The following SEMA5A variants were observed in gnomAD, a reference collection of about 807,000 sequenced individuals.
SEMA5A encodes semaphorin-5A.
Under a neutral mutation model 135.5 loss-of-function variants are expected in SEMA5A, and 55 were observed. The ratio of observed to expected loss-of-function variants is 0.41; its 90% CI spans 0.33 to 0.51. The LOEUF is 0.51. Ranked by LOEUF, SEMA5A falls within the 20% of genes least tolerant of loss-of-function variation. The pLI, the probability that SEMA5A is intolerant of heterozygous loss-of-function variation, is 0.37. For missense variants in SEMA5A, 1,290 were observed against 1,419.9 expected (o/e 0.91, Z 1.47); for synonymous variants, 580 against 546.5 (o/e 1.06, Z -0.85).
chr5:9,120,584 C>T (rs1425602143), intron 14 of SEMA5A, among the ~76,000 whole-genome samples: 1 of 151,944 alleles, frequency 6.6e-6, no homozygotes, highest in Non-Finnish European at 1.5e-5. Context: ...TACCCTGCTA[C>T]CTAAAATCTT....
At chr5:9,197,681 C>T (rs138437296) in intron 9 of SEMA5A, among the ~76,000 whole-genome samples, 275 of 150,362 alleles carry the variant, frequency 1.8e-3, no homozygotes, top group African/African-American at 6.4e-3. Context: ...CAGTTCCCTT[C>T]CTGACCTGTT....
intron 15 of SEMA5A, among the ~76,000 whole-genome samples, chr5:9,109,450 A>G (rs371018735): frequency 6.6e-6 from 1 of 152,246 alleles, no homozygotes; most frequent in East Asian, 1.9e-4. Flanking sequence ...GCTCATAGAA[A>G]GGAAGAGGTT....
chr5:9,358,270 C>T (rs561145749), intron 3 of SEMA5A, among the ~76,000 whole-genome samples: 50 of 152,298 alleles, frequency 3.3e-4, no homozygotes, highest in Admixed American at 2.8e-3. Context: ...TCCATTTTAC[C>T]TTCAAACCCA....
chr5:9,343,820 A>G (rs1326543250), intron 3 of SEMA5A, among the ~76,000 whole-genome samples: 3 of 152,082 alleles, frequency 2.0e-5, no homozygotes, highest in Non-Finnish European at 2.9e-5. Context: ...CAGGCCTGTT[A>G]CTTCAACAAC....
intron 3 of SEMA5A, among the ~76,000 whole-genome samples, chr5:9,371,101 T>C (rs1291821424): frequency 6.6e-6 from 1 of 152,144 alleles, no homozygotes; most frequent in Non-Finnish European, 1.5e-5. Flanking sequence ...ACAACTTTAC[T>C]TACAAGCAAT....
intron 18 of SEMA5A, among the ~76,000 whole-genome samples, chr5:9,059,867 A>G (rs1056423735): frequency 1.3e-5 from 2 of 152,180 alleles, no homozygotes; most frequent in Admixed American, 1.3e-4. Flanking sequence ...TTTCATATTT[A>G]ATTTTAATGA....
At chr5:9,421,249 A>G (rs1387451925) in intron 2 of SEMA5A, among the ~76,000 whole-genome samples, 1 of 152,218 alleles carries the variant, frequency 6.6e-6, no homozygotes, top group Non-Finnish European at 1.5e-5. Flanking sequence ...TTATAATTTG[A>G]GATTTTCTCA....
rs911943632 is a variant in SEMA5A at position 9,245,267 on chromosome 5, G to A, written c.271-7377C>T. ...TGTTCCCTGCCTATTAGTCACTTAG[G>A]AGCCCTCTCAGTTATCAGATCAAAA... On this transcript the variant is annotated intron_variant, in intron 5 of 22. Coordinates refer to ENST00000382496, the MANE Select transcript of SEMA5A (RefSeq NM_003966.3). Among the ~76,000 whole-genome samples, 30 of 152,134 alleles carry A rather than the reference G, an allele frequency of 2.0e-4. No individual in the cohort carries two copies. In the Middle Eastern group the frequency reaches 0.01, roughly 52 times the overall value.
At chr5:9,479,611 C>T (rs538298627) in intron 1 of SEMA5A, among the ~76,000 whole-genome samples, 7 of 152,184 alleles carry the variant, frequency 4.6e-5, no homozygotes, top group African/African-American at 1.4e-4. Context: ...AATCCAGAAA[C>T]GGAAGTGGTT....
intron 13 of SEMA5A, among the ~76,000 whole-genome samples, chr5:9,135,836 C>T (rs887777590): frequency 6.6e-6 from 1 of 150,502 alleles, no homozygotes; most frequent in African/African-American, 2.4e-5. Context: ...AACAAACAAA[C>T]AAAAAAAAAG....
At chr5:9,522,362 CACCTGAGG>C (rs1736881942) in intron 1 of SEMA5A, among the ~76,000 whole-genome samples, 1 of 152,142 alleles carries the variant, frequency 6.6e-6, no homozygotes, top group Non-Finnish European at 1.5e-5. Flanking sequence ...ATGGGCAGAT[CACCTGAGG>C]TCAGGAGTCC....
At chr5:9,258,672 C>G (rs1236611003) in intron 5 of SEMA5A, among the ~76,000 whole-genome samples, 1 of 152,092 alleles carries the variant, frequency 6.6e-6, no homozygotes, top group Non-Finnish European at 1.5e-5. Context: ...AAATAGCAAC[C>G]TCAAAGGGTC....
chr5:9,207,870 TA>T lies in SEMA5A; in HGVS notation c.647-5631del, dbSNP rs1339809240. 2.2e-4 allele frequency among the ~76,000 whole-genome samples: 9 copies of T among 41,742 alleles called. No homozygotes were observed. In the East Asian group the frequency reaches 3.5e-3, roughly 16 times the overall value. 27.4% of individuals were successfully genotyped at this position (41,742 alleles called of 152,430 possible). ...AGATGATGATAGATAGATAGATAGA[TA>T]GATAGATAGATAGATAGATAGATAG... On this transcript the variant is annotated intron_variant, in intron 8 of 22. Transcript: ENST00000382496.
intron 5 of SEMA5A, among the ~76,000 whole-genome samples, chr5:9,248,797 A>G (rs1159971385): frequency 6.6e-6 from 1 of 152,160 alleles, no homozygotes; most frequent in Non-Finnish European, 1.5e-5. Context: ...AAAGAGAAAA[A>G]GAACAAATTA....
intron 11 of SEMA5A, among the ~76,000 whole-genome samples, chr5:9,173,901 T>C (rs927449771): frequency 6.6e-6 from 1 of 152,148 alleles, no homozygotes; most frequent in Non-Finnish European, 1.5e-5. Flanking sequence ...TATGAAAACA[T>C]AACATTATGA....
Position 9,336,004 on chromosome 5 carries a change from A to AG in SEMA5A, c.224+1708_224+1709insC, listed in dbSNP as rs199828530. On this transcript the variant is annotated intron_variant, in intron 4 of 22. Coordinates refer to ENST00000382496, the MANE Select transcript of SEMA5A (RefSeq NM_003966.3). ...GTACATTAAGTGCAGTTAAAAAAAA[A>AG]AAGTAGATGTCCAGTATGTTACTAG... 3.3e-3 allele frequency among the ~76,000 whole-genome samples: 495 copies of AG among 152,254 alleles called. 2 individuals carry two copies. Among genetic ancestry groups the AG allele is most frequent in the African/African-American group, 0.012 (483 of 41,526 alleles).
At chr5:9,381,735 T>G (rs1359042006) in intron 2 of SEMA5A, among the ~76,000 whole-genome samples, 18 of 152,176 alleles carry the variant, frequency 1.2e-4, no homozygotes, top group Admixed American at 1.2e-3. Flanking sequence ...AATCTCTCAG[T>G]TGAACCCTGC....
At chr5:9,428,088 GTATATATA>G (rs10536071) in intron 2 of SEMA5A, among the ~76,000 whole-genome samples, 6,594 of 145,544 alleles carry the variant, frequency 0.045, 409 homozygotes, top group East Asian at 0.14. Flanking sequence ...ATATGTGTGT[GTATATATA>G]TATATATATA....
chr5:9,525,556 G>A (rs1433562887), intron 1 of SEMA5A, among the ~76,000 whole-genome samples: 2 of 152,198 alleles, frequency 1.3e-5, no homozygotes, highest in Admixed American at 6.5e-5. Flanking sequence ...ACTGGCCTTT[G>A]GCCCCAAATA....
Sources: gnomAD v4.1 joint callset for allele counts (sites outside exome capture counted in the v4.1 genomes callset) on GRCh38, gnomAD v4.1.1 for gene constraint, MANE v1.5 for transcripts, NCBI Gene and HGNC (gene_info 2026-07-23, HGNC 2026-07-21) for gene names.